The following TECTA variants were observed in gnomAD, a reference collection of about 807,000 sequenced individuals.
TECTA encodes the protein tectorin alpha.
A neutral mutation model predicts 216.8 loss-of-function variants in TECTA; 128 were observed. The ratio of observed to expected loss-of-function variants is 0.59; its 90% CI spans 0.51 to 0.68. The LOEUF (loss-of-function observed/expected upper bound fraction) is 0.68. TECTA is among the 30% of genes least tolerant of loss of function. The probability of loss-of-function intolerance (pLI) is 0.00; values close to 1 mark genes in which losing one functional copy is unlikely to be tolerated. For synonymous variants in TECTA, 1,089 were observed against 1,117.1 expected (o/e 0.97, Z 0.50); for missense variants, 2,551 against 2,786.2 (o/e 0.92, Z 1.90).
At position 121,189,172 on chromosome 11, in the gene TECTA, G is replaced by A. The variant is rs762203020; in HGVS notation, c.6250+5G>A. 1.2e-6 allele frequency: 2 copies of A among 1,613,364 alleles called. No individual in the cohort carries two copies. The highest frequency in any genetic ancestry group is 2.2e-5 in the East Asian group (1 of 44,882). ...TGGGACCTATTAGGAGAAAAAGTAT[G>A]TATGTTCCCTAAAACACACCCTAAA... On this transcript the variant is annotated splice_donor_5th_base_variant and intron_variant, in intron 22 of 23. Coordinates refer to ENST00000392793, the MANE Select transcript of TECTA (RefSeq NM_005422.4).
At chr11:121,170,403 A>G (rs1591465281) in intron 20 of TECTA, among the ~76,000 whole-genome samples, 1 of 151,712 alleles carries the variant, frequency 6.6e-6, no homozygotes, top group East Asian at 1.9e-4. Flanking sequence ...TGGGAGTTCT[A>G]TTTTTAGTGG....
Position 121,189,863 on chromosome 11 carries a change from A to G in TECTA, c.6350A>G (p.Asp2117Gly). The stretch of plus-strand genomic sequence containing the variant: ...TGTGTAACAGGAACCCTGCAGGAGG[A>G]CGGCAAGAGCTGCAGAGGTAGACAC... ...CSCVTGTLQE[D>G]GKSCRASNSS... Residue 2117 changes from aspartate to glycine, a missense_variant, in exon 23 of 24, where the codon GAC (aspartate) becomes GGC (glycine). Physicochemically the swap from Asp to Gly is moderately conservative, Grantham distance 94. Transcript: ENST00000392793. 6.2e-7 allele frequency: 1 copy of G among 1,613,064 alleles called. No homozygotes were observed. Among genetic ancestry groups the G allele is most frequent in the Non-Finnish European group, 8.5e-7 (1 of 1,179,842 alleles).
At chr11:121,112,943 A>G (rs1946455681) in intron 4 of TECTA, 129 bp from the exon 5 acceptor site, 4 of 1,111,164 alleles carry the variant, frequency 3.6e-6, no homozygotes, top group Non-Finnish European at 5.3e-6. Context: ...TCAGAGCTGG[A>G]GGGCCTGGCT....
intron 11 of TECTA, among the ~76,000 whole-genome samples, chr11:121,143,398 C>T (rs1052629395): frequency 1.3e-5 from 2 of 152,258 alleles, no homozygotes; most frequent in African/African-American, 4.8e-5. Context: ...TTCACTCCCA[C>T]TCCTTCTTGA....
In TECTA at chr11:121,127,049, A is replaced by T. The variant is rs1438853087; in HGVS notation, c.1775-703A>T. The stretch of plus-strand genomic sequence containing the variant: ...AGGCCCCTGAGCCCCTGCTTGTTGG[A>T]TTCAACCAGACTCAAACATTTATGT... On this transcript the variant is annotated intron_variant, in intron 8 of 23. Coordinates refer to ENST00000392793, the MANE Select transcript of TECTA (RefSeq NM_005422.4). This position sits in a 1 kb window ranked among gnomAD's most constrained non-coding sequence, Gnocchi z 5.0. Among the ~76,000 whole-genome samples the T allele has an allele frequency of 6.6e-6, 1 of 152,172 alleles. No individual in the cohort carries two copies. The highest frequency in any genetic ancestry group is 1.9e-4 in the East Asian group (1 of 5,194).
intron 10 of TECTA, among the ~76,000 whole-genome samples, chr11:121,134,333 A>ACACACACACACACACG (rs1946704203): frequency 6.6e-6 from 1 of 151,450 alleles, no homozygotes; most frequent in Non-Finnish European, 1.5e-5. Context: ...CACCACACAC[A>ACACACACACACACACG]CACACACACA....
chr11:121,159,765 A>T (rs1442085717), intron 14 of TECTA, among the ~76,000 whole-genome samples: 1 of 152,190 alleles, frequency 6.6e-6, no homozygotes, highest in African/African-American at 2.4e-5. Context: ...AAATCCAGCC[A>T]TTCATTGTGG....
At chr11:121,143,186 T>C (rs1236104839) in intron 11 of TECTA, among the ~76,000 whole-genome samples, 1 of 152,238 alleles carries the variant, frequency 6.6e-6, no homozygotes, top group Non-Finnish European at 1.5e-5. Context: ...TGGGCCTCTT[T>C]GCCATGTGTG....
rs1197936572 is a variant in TECTA at position 121,162,313 on chromosome 11, G to A, written c.5215G>A (p.Glu1739Lys). 1 of 1,613,418 alleles carries A rather than the reference G, an allele frequency of 6.2e-7. No homozygotes were observed. Among genetic ancestry groups the A allele is most frequent in the Non-Finnish European group, 8.5e-7 (1 of 1,180,058 alleles). ...GTGCGGCTCCCTGGCCGCCTACGGG[G>A]AGGCCTGCCGCTCCTTCGGGATCCT... is the stretch of plus-strand genomic sequence containing the variant. ...QLCGSLAAYG[E>K]ACRSFGILST... is the part of the protein sequence containing the mutation. Residue 1739 changes from glutamate to lysine, a missense_variant, in exon 16 of 24, where the codon GAG becomes AAG. Around this residue, in one of 3 missense-constraint regions of TECTA, gnomAD observed 2,375 missense variants for 2,563.9 expected, o/e 0.93. Transcript: ENST00000392793.
chr11:121,118,185 C>T (rs1946518145), intron 6 of TECTA, 121 bp from the exon 7 acceptor site: 1 of 1,287,526 alleles, frequency 7.8e-7, no homozygotes, highest in Non-Finnish European at 1.1e-6. Flanking sequence ...GGTGACCATA[C>T]CTCCCTAACA....
At chr11:121,190,446 G>A (rs1399801161) in intron 23 of TECTA, among the ~76,000 whole-genome samples, 1 of 152,172 alleles carries the variant, frequency 6.6e-6, no homozygotes, top group African/African-American at 2.4e-5. Flanking sequence ...TGTATTTTTA[G>A]TAGAGATGGG....
intron 20 of TECTA, among the ~76,000 whole-genome samples, chr11:121,172,409 G>A (rs560857394): frequency 2.3e-4 from 35 of 150,728 alleles, no homozygotes; most frequent in African/African-American, 8.4e-4. Context: ...TCATTGTCCA[G>A]TTCCCACCTA....
intron 20 of TECTA, among the ~76,000 whole-genome samples, chr11:121,186,685 T>A (rs1305821924): frequency 6.6e-6 from 1 of 152,258 alleles, no homozygotes; most frequent in African/African-American, 2.4e-5. Flanking sequence ...ACTTGCATTT[T>A]GCCTAGAAGG....
At chr11:121,131,370 C>T (rs548707299) in intron 10 of TECTA, among the ~76,000 whole-genome samples, 2 of 152,298 alleles carry the variant, frequency 1.3e-5, no homozygotes, top group East Asian at 1.9e-4. Flanking sequence ...ATTCCCGAAT[C>T]GTTAACATTG....
chr11:121,179,629 A>T (rs1947205047), intron 20 of TECTA, among the ~76,000 whole-genome samples: 1 of 151,976 alleles, frequency 6.6e-6, no homozygotes, highest in Non-Finnish European at 1.5e-5. Flanking sequence ...TAAATTCCCC[A>T]ATTTTCTTTA....
intron 15 of TECTA, among the ~76,000 whole-genome samples, chr11:121,161,635 C>T (rs1312674914): frequency 7.9e-6 from 1 of 127,314 alleles, no homozygotes; most frequent in East Asian, 2.4e-4. Flanking sequence ...TAGCTTTTGG[C>T]CCCTAATGGC....
chr11:121,128,897 A>T (rs547696453), intron 9 of TECTA, among the ~76,000 whole-genome samples: 1 of 152,236 alleles, frequency 6.6e-6, no homozygotes, highest in African/African-American at 2.4e-5. Context: ...ACCCAGACTT[A>T]TAGATCCTTA....
At chr11:121,166,034 A>G (rs902132467) in intron 17 of TECTA, among the ~76,000 whole-genome samples, 1 of 152,236 alleles carries the variant, frequency 6.6e-6, no homozygotes, top group Non-Finnish European at 1.5e-5. Context: ...CTAAACAGAT[A>G]AAATGTTTTT....
At chr11:121,131,681 T>G (rs978890600) in intron 10 of TECTA, among the ~76,000 whole-genome samples, 1 of 152,254 alleles carries the variant, frequency 6.6e-6, no homozygotes, top group Non-Finnish European at 1.5e-5. Flanking sequence ...TGTTGCATCT[T>G]ATTATGATGT....
Sources: gnomAD v4.1 joint callset for allele counts (sites outside exome capture counted in the v4.1 genomes callset) on GRCh38, gnomAD v4.1.1 for gene constraint, gnomAD v4.1.1 regional missense constraint, Gnocchi (gnomAD v3.1) non-coding constraint, MANE v1.5 for transcripts, NCBI Gene and HGNC (gene_info 2026-07-23, HGNC 2026-07-21) for gene names.